SCCPDH: variants seen among roughly 807,000 people sequenced by gnomAD.
SCCPDH encodes the protein saccharopine dehydrogenase-like oxidoreductase.
A neutral mutation model predicts 51.5 loss-of-function variants in SCCPDH; 34 were observed. That is an observed-to-expected ratio of 0.66 (90% CI 0.50 to 0.88). The LOEUF is 0.88. Ranked by LOEUF, SCCPDH falls within the 40% of genes least tolerant of loss-of-function variation. The pLI, the probability that SCCPDH is intolerant of heterozygous loss-of-function variation, is 0.00. For missense variants in SCCPDH, 464 were observed against 527.1 expected (o/e 0.88, Z 1.17); for synonymous variants, 187 against 191.3 (o/e 0.98, Z 0.19).
intron 3 of SCCPDH, among the ~76,000 whole-genome samples, chr1:246,738,120 C>T (rs1668625066): frequency 6.6e-6 from 1 of 151,812 alleles, no homozygotes; most frequent in African/African-American, 2.4e-5. Context: ...CACTTGAACC[C>T]AGGAGTTGGA....
At chr1:246,735,764 T>G (rs1271479668) in intron 2 of SCCPDH, among the ~76,000 whole-genome samples, 1 of 152,214 alleles carries the variant, frequency 6.6e-6, no homozygotes, top group African/African-American at 2.4e-5. Flanking sequence ...ACTCCTGACC[T>G]CAAGTGATCT....
intron 1 of SCCPDH, among the ~76,000 whole-genome samples, chr1:246,725,950 TTTTG>T (rs976965682): frequency 1.3e-5 from 2 of 152,188 alleles, no homozygotes; most frequent in Non-Finnish European, 2.9e-5. Context: ...ATTTTTTGTT[TTTTG>T]TTTGTTTGTT....
At chr1:246,763,623 T>C (rs1669049414) in intron 9 of SCCPDH, among the ~76,000 whole-genome samples, 1 of 152,148 alleles carries the variant, frequency 6.6e-6, no homozygotes, top group South Asian at 2.1e-4. Context: ...TCATGTCACA[T>C]TGTTATTTAA....
At chr1:246,766,741 A>G (rs558765120) in intron 11 of SCCPDH, among the ~76,000 whole-genome samples, 2 of 152,364 alleles carry the variant, frequency 1.3e-5, no homozygotes, top group African/African-American at 4.8e-5. Flanking sequence ...CCCCCTTGAA[A>G]ATATTTAGCA....
intron 5 of SCCPDH, among the ~76,000 whole-genome samples, chr1:246,746,730 A>G (rs1055788870): frequency 6.6e-6 from 1 of 152,136 alleles, no homozygotes; most frequent in Non-Finnish European, 1.5e-5. Context: ...AATCCCAGCT[A>G]CTCGGGTCAT....
At chr1:246,758,870 T>C (rs1317903225) in intron 6 of SCCPDH, among the ~76,000 whole-genome samples, 164 bp from the exon 7 acceptor site, 1 of 152,058 alleles carries the variant, frequency 6.6e-6, no homozygotes, top group African/African-American at 2.4e-5. Flanking sequence ...CCCAAGTTGG[T>C]CTCAAAGTCC....
At position 246,767,318 on chromosome 1, in the gene SCCPDH, T is replaced by G. The variant is rs1448410882; in HGVS notation, c.*18T>G. 6.8e-7 allele frequency: 1 copy of G among 1,480,662 alleles called. No homozygotes were observed. Among genetic ancestry groups the G allele is most frequent in the Non-Finnish European group, 9.3e-7 (1 of 1,079,354 alleles). 91.7% of individuals were successfully genotyped at this position (1,480,662 alleles called of 1,614,324 possible). ...AAGTCTAAACACTGGAAGAATTAAC[T>G]GAAGTCATAACGTGCGTGAATTAAC... is the stretch of plus-strand genomic sequence containing the variant. On this transcript the variant is annotated 3_prime_UTR_variant, in exon 12 of 12. Transcript: ENST00000366510.
At chr1:246,724,840 T>G (rs1668363257) in intron 1 of SCCPDH, among the ~76,000 whole-genome samples, 2 of 152,202 alleles carry the variant, frequency 1.3e-5, no homozygotes, top group African/African-American at 4.8e-5. Flanking sequence ...ACACATTTTT[T>G]TTTCTTTCCT....
chr1:246,761,970 T>G lies in SCCPDH; in HGVS notation c.990+1743T>G, dbSNP rs138527904. ...TTAACTTCTTGAGGAACCACTAAAC[T>G]GTTCTGCAGAGCTGCTGCACCGTTT... On this transcript the variant is annotated intron_variant, in intron 9 of 11. Transcript: ENST00000366510. Among the ~76,000 whole-genome samples the G allele has an allele frequency of 7.0e-4, 106 of 152,338 alleles. 4 individuals carry two copies. In the East Asian group the frequency reaches 0.018, roughly 25 times the overall value.
chr1:246,727,093 A>C (rs1381352795), intron 2 of SCCPDH, 89 bp downstream of exon 2: 2 of 1,107,378 alleles, frequency 1.8e-6, no homozygotes, highest in Non-Finnish European at 2.7e-6. Context: ...CAGAGGACAG[A>C]ATTGTTGGTT....
intron 5 of SCCPDH, among the ~76,000 whole-genome samples, chr1:246,751,736 C>T (rs1668852946): frequency 6.6e-6 from 1 of 150,980 alleles, no homozygotes; most frequent in African/African-American, 2.4e-5. Context: ...TACTTTAGGA[C>T]AAGAATTTAC....
At chr1:246,724,655 C>A in intron 1 of SCCPDH, 43 bp downstream of exon 1, 3 of 1,411,642 alleles carry the variant, frequency 2.1e-6, no homozygotes, top group Non-Finnish European at 2.8e-6. Context: ...GCGGCTGGGC[C>A]GGGGACCCCG....
chr1:246,767,391 G>A lies in SCCPDH; in HGVS notation c.*91G>A. 3.1e-6 allele frequency: 2 copies of A among 652,840 alleles called. No homozygotes were observed. Among genetic ancestry groups the A allele is most frequent in the Non-Finnish European group, 4.8e-6 (2 of 419,414 alleles). The allele number at this position is 652,840 out of a possible 1,614,324, so 40.4% of individuals were successfully genotyped here. A position where few individuals can be genotyped will look rare whatever the true frequency, so the allele number is the denominator to read the frequency against. ...AATTCTTCTGTAAGCCTGTCTGAGT[G>A]TATGTGGAAACGATTGTCAAATCTA... On this transcript the variant is annotated 3_prime_UTR_variant, in exon 12 of 12. Coordinates refer to ENST00000366510, the MANE Select transcript of SCCPDH (RefSeq NM_016002.3).
intron 7 of SCCPDH, 77 bp from the exon 8 acceptor site, chr1:246,759,880 G>T: frequency 6.9e-7 from 1 of 1,442,876 alleles, no homozygotes; most frequent in Non-Finnish European, 9.4e-7. Context: ...GGAAGAGAAA[G>T]GTACAAGTAA....
At chr1:246,728,622 G>A (rs1440613481) in intron 2 of SCCPDH, among the ~76,000 whole-genome samples, 1 of 152,068 alleles carries the variant, frequency 6.6e-6, no homozygotes, top group Non-Finnish European at 1.5e-5. Flanking sequence ...TCACAACCTT[G>A]TTTTCCTTGA....
intron 6 of SCCPDH, 92 bp from the exon 7 acceptor site, chr1:246,758,942 C>G (rs1043518411): frequency 2.5e-6 from 2 of 806,656 alleles, no homozygotes; most frequent in African/African-American, 3.4e-5. Context: ...GCATGAGCCA[C>G]CATGCCCTGC....
At chr1:246,751,445 A>G (rs1196487259) in intron 5 of SCCPDH, among the ~76,000 whole-genome samples, 1 of 152,226 alleles carries the variant, frequency 6.6e-6, no homozygotes, top group East Asian at 1.9e-4. Context: ...TAAACCTTCA[A>G]AACAATTTTT....
chr1:246,757,105 A>T (rs1048197405), intron 5 of SCCPDH, among the ~76,000 whole-genome samples: 1 of 152,196 alleles, frequency 6.6e-6, no homozygotes, highest in African/African-American at 2.4e-5. Flanking sequence ...GCACTTTGGG[A>T]GGCCAAGGCG....
chr1:246,753,098 G>C (rs1668879238), intron 5 of SCCPDH, among the ~76,000 whole-genome samples: 1 of 150,334 alleles, frequency 6.7e-6, no homozygotes, highest in African/African-American at 2.5e-5. Flanking sequence ...TCTGTTCCCT[G>C]TCAGTCTTTC....
Sources: gnomAD v4.1 joint callset for allele counts (sites outside exome capture counted in the v4.1 genomes callset) on GRCh38, gnomAD v4.1.1 for gene constraint, MANE v1.5 for transcripts, NCBI Gene and HGNC (gene_info 2026-07-23, HGNC 2026-07-21) for gene names.